The following COG6 variants were observed in gnomAD, a reference collection of about 807,000 sequenced individuals.
COG6 encodes conserved oligomeric Golgi complex subunit 6.
Under a neutral mutation model 88.8 loss-of-function variants are expected in COG6, and 74 were observed. That is an observed-to-expected ratio of 0.83 (90% CI 0.69 to 1.01). COG6 has a LOEUF of 1.01. Ranked by LOEUF, COG6 falls within the 50% of genes least tolerant of loss-of-function variation. The pLI is 0.00. For missense variants in COG6, 800 were observed against 797.9 expected, an observed-to-expected ratio of 1.00 and a Z score of -0.03; for synonymous variants, 286 against 278.7, an observed-to-expected ratio of 1.03 and a Z score of -0.26.
At chr13:39,770,669 G>A (rs1881295186) in intron 18 of COG6, among the ~76,000 whole-genome samples, 1 of 152,144 alleles carries the variant, frequency 6.6e-6, no homozygotes, top group South Asian at 2.1e-4. Flanking sequence ...ATCCATTTGT[G>A]TCTCCAGAGG....
intron 14 of COG6, 62 bp downstream of exon 14, chr13:39,719,429 A>C (rs887440079): frequency 6.6e-7 from 1 of 1,518,198 alleles, no homozygotes; most frequent in Admixed American, 1.8e-5. Context: ...CTGTGTTTCA[A>C]TTCTGGAATT....
downstream of COG6, among the ~76,000 whole-genome samples, chr13:39,753,264 A>G (rs1297564013): frequency 6.6e-6 from 1 of 152,168 alleles, no homozygotes; most frequent in Non-Finnish European, 1.5e-5. Context: ...CCCTTCTACC[A>G]TGTGACGTTA....
rs150817923 is a variant in COG6 at position 39,657,047 on chromosome 13, T to C, written c.153+1168T>C. ...GATATAGATAACATGGCCTTCTTTTTTGGACAGAGTTTTGCTCTTTTTGCC... is the reference window on the plus strand; with the variant it reads ...GATATAGATAACATGGCCTTCTTTTCTGGACAGAGTTTTGCTCTTTTTGCC... On this transcript the variant is annotated intron_variant, in intron 1 of 18. Coordinates refer to ENST00000455146, the MANE Select transcript of COG6 (RefSeq NM_020751.3). 3.9e-3 allele frequency among the ~76,000 whole-genome samples: 591 copies of C among 152,352 alleles called. 4 individuals are homozygous for C. Among genetic ancestry groups the C allele is most frequent in the African/African-American group, 0.013 (559 of 41,580 alleles).
downstream of COG6, among the ~76,000 whole-genome samples, chr13:39,755,913 G>A (rs9603610): frequency 0.22 from 32,772 of 152,146 alleles, 3,666 homozygotes; most frequent in Non-Finnish European, 0.24. Flanking sequence ...TACAGAATGA[G>A]TTCATGAAAG....
At chr13:39,778,831 G>A (rs562845760) in intron 18 of COG6, among the ~76,000 whole-genome samples, 1 of 152,222 alleles carries the variant, frequency 6.6e-6, no homozygotes, top group South Asian at 2.1e-4. Flanking sequence ...TCCCCTTGTG[G>A]GCCTCCACAC....
intron 4 of COG6, among the ~76,000 whole-genome samples, chr13:39,665,656 G>A (rs1316142203): frequency 6.6e-6 from 1 of 152,156 alleles, no homozygotes; most frequent in Non-Finnish European, 1.5e-5. Context: ...GTGGTGTTCA[G>A]TATTGCTAAA....
intron 12 of COG6, 57 bp from the exon 13 acceptor site, chr13:39,699,444 A>T: frequency 1.2e-6 from 1 of 823,618 alleles, no homozygotes; most frequent in South Asian, 1.3e-5. Context: ...CTACTCAGTT[A>T]AGGAACTGTT....
chr13:39,778,297 G>A (rs1033033917), intron 18 of COG6, among the ~76,000 whole-genome samples: 7 of 152,318 alleles, frequency 4.6e-5, no homozygotes, highest in African/African-American at 1.7e-4. Flanking sequence ...TAATGGAAAG[G>A]TAGTGTCTGC....
intron 13 of COG6, among the ~76,000 whole-genome samples, chr13:39,703,115 A>G (rs1166616535): frequency 2.0e-5 from 3 of 152,154 alleles, no homozygotes; most frequent in Non-Finnish European, 4.4e-5. Flanking sequence ...TGTCTCCAAC[A>G]TCAGGAAAGC....
chr13:39,733,651 CAT>C (rs1402890057), intron 18 of COG6, among the ~76,000 whole-genome samples: 1 of 151,408 alleles, frequency 6.6e-6, no homozygotes, highest in Non-Finnish European at 1.5e-5. Flanking sequence ...ATACTGGCCT[CAT>C]AGAATGAACG....
intron 12 of COG6, among the ~76,000 whole-genome samples, chr13:39,697,754 T>A (rs1231181868): frequency 4.6e-5 from 7 of 151,978 alleles, no homozygotes; most frequent in African/African-American, 1.7e-4. Context: ...CACACTGGGA[T>A]TTATCTTCTT....
At position 39,682,539 on chromosome 13, in the gene COG6, C is replaced by G. The variant is rs968283592; in HGVS notation, c.788+275C>G. ...AGAGGTTCAGTGACTTTTCCCCTGT[C>G]GTCTCATTAACTCCCTTAGAATTGT... On this transcript the variant is annotated intron_variant, in intron 8 of 18. Transcript: ENST00000455146. 1.2e-5 allele frequency: 4 copies of G among 340,502 alleles called. No homozygotes were observed. The South Asian group carries it at 1.3e-4, about 11-fold the overall frequency. The allele number at this position is 340,502 out of a possible 1,614,324, so 21.1% of individuals were successfully genotyped here. A position where few individuals can be genotyped will look rare whatever the true frequency, so the allele number is the denominator to read the frequency against.
chr13:39,678,356 G>A (rs183360997), intron 5 of COG6, among the ~76,000 whole-genome samples: 85 of 152,302 alleles, frequency 5.6e-4, no homozygotes, highest in Admixed American at 2.4e-3. Context: ...CTATAGGTCT[G>A]AGCCATAGTA....
chr13:39,697,716 T>G (rs190008740), intron 12 of COG6, among the ~76,000 whole-genome samples: 7 of 152,072 alleles, frequency 4.6e-5, no homozygotes, highest in Admixed American at 2.6e-4. Flanking sequence ...GTGTTGCCCT[T>G]TAGGCCTACT....
At position 39,679,614 on chromosome 13, in the gene COG6, C is replaced by T. The variant is rs773768762; in HGVS notation, c.617C>T (p.Thr206Met). 26 of 1,591,780 alleles carry T rather than the reference C, an allele frequency of 1.6e-5. No individual in the cohort carries two copies. The highest frequency in any genetic ancestry group is 1.7e-5 in the Admixed American group (1 of 59,930). ...VKVLLRTNQQ[T>M]AGLEIMEQMA... The stretch of plus-strand genomic sequence containing the variant: ...GTTCTCTTGCGTACAAATCAACAAA[C>T]GGCAGGGTGAGTAACTGCTCACTGA... The change falls in exon 6 of 19, where the codon ACG becomes ATG. Residue 206 changes from threonine to methionine, a missense_variant. Physicochemically the swap from Thr to Met is moderately conservative, Grantham distance 81. Transcript: ENST00000455146.
At chr13:39,689,704 T>C (rs554810183) in intron 10 of COG6, 56 bp from the exon 11 acceptor site, 23 of 1,252,664 alleles carry the variant, frequency 1.8e-5, no homozygotes, top group South Asian at 5.0e-5. Flanking sequence ...TTTGAACTTA[T>C]ATGAAGCAAA....
intron 4 of COG6, among the ~76,000 whole-genome samples, chr13:39,674,021 G>T (rs1446070853): frequency 3.3e-5 from 5 of 151,782 alleles, no homozygotes; most frequent in Non-Finnish European, 7.4e-5. Context: ...CAATGTAGAT[G>T]AAAAATATTA....
chr13:39,726,825 C>A (rs1039495637), intron 17 of COG6, among the ~76,000 whole-genome samples: 4 of 152,028 alleles, frequency 2.6e-5, no homozygotes, highest in African/African-American at 9.7e-5. Flanking sequence ...AATGTATATT[C>A]ATCTTTAAGA....
At chr13:39,707,124 T>G (rs1002826704) in intron 13 of COG6, among the ~76,000 whole-genome samples, 1 of 151,508 alleles carries the variant, frequency 6.6e-6, no homozygotes, top group African/African-American at 2.4e-5. Context: ...GAAGAACAAA[T>G]GAGCTCACTT....
Sources: gnomAD v4.1 joint callset for allele counts (sites outside exome capture counted in the v4.1 genomes callset) on GRCh38, gnomAD v4.1.1 for gene constraint, MANE v1.5 for transcripts, NCBI Gene and HGNC (gene_info 2026-07-23, HGNC 2026-07-21) for gene names.